The following PAK2 variants were observed in gnomAD, a reference collection of about 807,000 sequenced individuals.
The protein encoded by PAK2 is p21 (RAC1) activated kinase 2.
PAK2 carries 21 observed loss-of-function variants against 65.9 expected under a neutral mutation model. The observed-to-expected ratio is 0.32, with a 90% CI of 0.23 to 0.46. The LOEUF is 0.46. PAK2 is among the 20% of genes least tolerant of loss of function. PAK2 has a pLI of 1.00. For synonymous variants in PAK2, 204 were observed against 219.7 expected (o/e 0.93, Z 0.63); for missense variants, 324 against 642.6 (o/e 0.50, Z 5.36).
At chr3:196,809,694 A>G (rs1156497546) in intron 7 of PAK2, among the ~76,000 whole-genome samples, 13 of 150,720 alleles carry the variant, frequency 8.6e-5, no homozygotes, top group Admixed American at 8.6e-4. Context: ...AATTGTCATC[A>G]TTTAGTTGTG....
In PAK2 at chr3:196,805,326, A is replaced by G. The variant is rs772275422; in HGVS notation, c.437-26A>G. The G allele has an allele frequency of 1.4e-5, 18 of 1,296,974 alleles. No individual in the cohort carries two copies. The East Asian group carries it at 3.4e-4, about 24-fold the overall frequency. The allele number at this position is 1,296,974 out of a possible 1,614,324, so 80.3% of individuals were successfully genotyped here. ...TAAAAGTGCTGTTTCTTGAATTGCT[A>G]ATGTTATGTTTTGTTTCATATTCAG... is the stretch of plus-strand genomic sequence containing the variant. On this transcript the variant is annotated intron_variant, in intron 4 of 14. Coordinates refer to ENST00000327134, the MANE Select transcript of PAK2 (RefSeq NM_002577.4).
intron 1 of PAK2, among the ~76,000 whole-genome samples, chr3:196,746,156 C>T (rs971589684): frequency 1.3e-4 from 20 of 152,140 alleles, no homozygotes; most frequent in African/African-American, 4.8e-4. Flanking sequence ...TTACATTGGC[C>T]TGAAGTTCCA....
At chr3:196,744,754 T>C (rs918982930) in intron 1 of PAK2, among the ~76,000 whole-genome samples, 3 of 152,182 alleles carry the variant, frequency 2.0e-5, no homozygotes, top group Non-Finnish European at 2.9e-5. Flanking sequence ...TTTAAGTCAT[T>C]AGATATTATG....
chr3:196,825,459 C>T (rs75796953), intron 13 of PAK2, among the ~76,000 whole-genome samples: 3,010 of 150,892 alleles, frequency 0.02, 168 homozygotes, highest in East Asian at 0.12. Context: ...CTGGCCAACA[C>T]AGTGAAACCC....
At chr3:196,810,798 A>G (rs1280035319) in intron 8 of PAK2, 145 bp downstream of exon 8, 1 of 560,074 alleles carries the variant, frequency 1.8e-6, no homozygotes, top group East Asian at 2.9e-5. Flanking sequence ...GTAAATAAAT[A>G]ATGCAGTTAT....
At chr3:196,773,185 C>T (rs993397543) in intron 1 of PAK2, among the ~76,000 whole-genome samples, 8 of 152,104 alleles carry the variant, frequency 5.3e-5, no homozygotes, top group East Asian at 1.9e-4. Flanking sequence ...CTTTTTGTTT[C>T]GCCTACTTGT....
At chr3:196,749,172 G>C (rs1104375) in intron 1 of PAK2, among the ~76,000 whole-genome samples, 70,552 of 151,350 alleles carry the variant, frequency 0.47, 16,904 homozygotes, top group Non-Finnish European at 0.53. Context: ...GATTGCTTCC[G>C]TAATTTAGGT....
chr3:196,745,721 G>A (rs1486547497), intron 1 of PAK2, among the ~76,000 whole-genome samples: 3 of 151,776 alleles, frequency 2.0e-5, no homozygotes, highest in African/African-American at 7.3e-5. Flanking sequence ...GGCTGAGGCA[G>A]GAGAATTGTC....
intron 1 of PAK2, among the ~76,000 whole-genome samples, chr3:196,752,622 CAG>C (rs3041130): frequency 0.015 from 2,302 of 152,184 alleles, 98 homozygotes; most frequent in Admixed American, 0.096. Context: ...TTGTTTGAGA[CAG>C]AGTTTCACTC....
At chr3:196,778,356 A>G (rs548979250) in intron 1 of PAK2, among the ~76,000 whole-genome samples, 3 of 152,254 alleles carry the variant, frequency 2.0e-5, no homozygotes, top group Non-Finnish European at 2.9e-5. Flanking sequence ...GAACATTCAT[A>G]CAAAGTTTTT....
chr3:196,751,678 TA>T lies in PAK2; in HGVS notation c.-22+11522del, dbSNP rs1192731644. ...ACACACAAATTTATTTATATACATATATATATATATATATATAATTCAGGCT... is the reference window on the plus strand; with the variant it reads ...ACACACAAATTTATTTATATACATATTATATATATATATATAATTCAGGCT... On this transcript the variant is annotated intron_variant, in intron 1 of 14. Transcript: ENST00000327134. Among the ~76,000 whole-genome samples, 17 of 63,942 alleles carry T rather than the reference TA, an allele frequency of 2.7e-4. 2 individuals are homozygous for T. In the South Asian group the frequency reaches 6.8e-3, roughly 26 times the overall value. The allele number at this position is 63,942 out of a possible 152,430, so 41.9% of individuals were successfully genotyped here.
At chr3:196,769,767 A>C (rs1298689769) in intron 1 of PAK2, among the ~76,000 whole-genome samples, 1 of 151,828 alleles carries the variant, frequency 6.6e-6, no homozygotes, top group Non-Finnish European at 1.5e-5. Flanking sequence ...CAGTGAGCTG[A>C]GATCATGCCA....
intron 1 of PAK2, among the ~76,000 whole-genome samples, chr3:196,760,022 G>A (rs552813191): frequency 6.6e-6 from 1 of 152,242 alleles, no homozygotes; most frequent in South Asian, 2.1e-4. Flanking sequence ...GTGGTCTTTT[G>A]TGACTGGTTT....
chr3:196,767,197 T>G (rs894714344), intron 1 of PAK2, among the ~76,000 whole-genome samples: 13 of 152,290 alleles, frequency 8.5e-5, no homozygotes, highest in African/African-American at 2.6e-4. Flanking sequence ...TTACTTCCAG[T>G]CTTTTGCTGT....
At chr3:196,815,185 A>C (rs545521681) in intron 11 of PAK2, among the ~76,000 whole-genome samples, 59 of 151,344 alleles carry the variant, frequency 3.9e-4, no homozygotes, top group African/African-American at 1.4e-3. Context: ...GTCTCAAAAA[A>C]AAAGAAAAAG....
chr3:196,806,322 T>C (rs1715583095), intron 5 of PAK2, among the ~76,000 whole-genome samples: 1 of 152,172 alleles, frequency 6.6e-6, no homozygotes, highest in South Asian at 2.1e-4. Flanking sequence ...ACATTGTATA[T>C]GTATGCTTAG....
In PAK2 at chr3:196,803,866, A is replaced by AGT. The variant is rs1715495890; in HGVS notation, c.436+705_436+706dup. Among the ~76,000 whole-genome samples the AGT allele has an allele frequency of 4.6e-5, 7 of 152,210 alleles. No individual in the cohort carries two copies. In the South Asian group the frequency reaches 1.4e-3, roughly 32 times the overall value. ...TGAGAGAACCAGTGAATTGGTATAT[A>AGT]GTGTAAGAGTTGGTGTAGTGGATTT... On this transcript the variant is annotated intron_variant, in intron 4 of 14. Transcript: ENST00000327134.
Position 196,830,294 on chromosome 3 carries a change from G to C in PAK2, c.*1889G>C, listed in dbSNP as rs1037357040. The stretch of plus-strand genomic sequence containing the variant: ...GGTCTCTGTTTTCAATATAATTCTT[G>C]ATTTCATTTTTCTCTGGAATATATT... On this transcript the variant is annotated 3_prime_UTR_variant, in exon 15 of 15. Transcript: ENST00000327134. 1 of 152,046 alleles carries C rather than the reference G, an allele frequency of 6.6e-6. No homozygotes were observed. The highest frequency in any genetic ancestry group is 1.5e-5 in the Non-Finnish European group (1 of 68,014). The allele number at this position is 152,046 out of a possible 1,614,324, so 9.4% of individuals were successfully genotyped here. A position where few individuals can be genotyped will look rare whatever the true frequency, so the allele number is the denominator to read the frequency against.
chr3:196,814,224 T>A (rs1177295760), intron 10 of PAK2, among the ~76,000 whole-genome samples: 1 of 152,174 alleles, frequency 6.6e-6, no homozygotes, highest in Non-Finnish European at 1.5e-5. Flanking sequence ...ATGTGCATAC[T>A]CAAACTACAG....
Sources: allele counts gnomAD v4.1 joint callset (sites outside exome capture counted in the v4.1 genomes callset), GRCh38; gene constraint gnomAD v4.1.1; transcripts MANE v1.5; gene names NCBI Gene and HGNC (gene_info 2026-07-23, HGNC 2026-07-21).